The following DMRT1 variants were observed in gnomAD, a reference collection of about 807,000 sequenced individuals.
DMRT1 encodes the protein doublesex- and mab-3-related transcription factor 1.
A neutral mutation model predicts 32.3 loss-of-function variants in DMRT1; 7 were observed. The ratio of observed to expected loss-of-function variants is 0.22; its 90% confidence interval spans 0.12 to 0.41. The LOEUF (loss-of-function observed/expected upper bound fraction) is 0.41, where lower values mean the gene tolerates loss of function less well. DMRT1 is among the 10% of genes least tolerant of loss of function. The pLI is 1.00. For missense variants in DMRT1, 625 were observed against 500.5 expected (o/e 1.25, Z -2.37); for synonymous variants, 278 against 206.1 (o/e 1.35, Z -2.99).
At chr9:859,369 A>C (rs1461212800) in intron 2 of DMRT1, among the ~76,000 whole-genome samples, 3 of 151,944 alleles carry the variant, frequency 2.0e-5, no homozygotes, top group Non-Finnish European at 4.4e-5. Flanking sequence ...GATGATCTGG[A>C]CTCTGAGCCT....
intron 2 of DMRT1, among the ~76,000 whole-genome samples, chr9:888,487 T>C (rs1183647464): frequency 1.3e-5 from 2 of 152,028 alleles, no homozygotes; most frequent in Non-Finnish European, 2.9e-5. Context: ...TTATATGTTT[T>C]GTAGAGGGGT....
chr9:881,346 T>A (rs1816729625), intron 2 of DMRT1, among the ~76,000 whole-genome samples: 1 of 152,138 alleles, frequency 6.6e-6, no homozygotes, highest in Non-Finnish European at 1.5e-5. Flanking sequence ...TATGGTGAGG[T>A]ATAATTCGGT....
At chr9:941,167 A>C (rs759632612) in intron 4 of DMRT1, among the ~76,000 whole-genome samples, 1 of 152,190 alleles carries the variant, frequency 6.6e-6, no homozygotes, top group East Asian at 1.9e-4. Flanking sequence ...CAGCAATTAC[A>C]CTTCTTGATA....
In DMRT1 at chr9:851,043, A is replaced by G. The variant is rs1267168463; in HGVS notation, c.538+3900A>G. Among the ~76,000 whole-genome samples, 4 of 52,234 alleles carry G rather than the reference A, an allele frequency of 7.7e-5. No individual in the cohort carries two copies. The East Asian group carries it at 1.0e-3, about 13-fold the overall frequency. 34.3% of individuals were successfully genotyped at this position (52,234 alleles called of 152,430 possible). A position where few individuals can be genotyped will look rare whatever the true frequency, so the allele number is the denominator to read the frequency against. On this transcript the variant is annotated intron_variant, in intron 2 of 4. Coordinates refer to ENST00000382276, the MANE Select transcript of DMRT1 (RefSeq NM_021951.3). ...GACTCTATCTCAAAAAAAAAAAAAA[A>G]AAGAAAGAAAAATAGACGTGGAAGG...
chr9:943,936 T>G (rs1199876628), intron 4 of DMRT1, among the ~76,000 whole-genome samples: 1 of 152,192 alleles, frequency 6.6e-6, no homozygotes, highest in Non-Finnish European at 1.5e-5. Flanking sequence ...GCCAAATTCT[T>G]TTCCCTTGTG....
chr9:855,189 T>C (rs1479469887), intron 2 of DMRT1, among the ~76,000 whole-genome samples: 1 of 152,140 alleles, frequency 6.6e-6, no homozygotes, highest in Non-Finnish European at 1.5e-5. Context: ...TTTCTGTGGA[T>C]AGTATTTTAA....
chr9:868,579 C>G (rs1289636433), intron 2 of DMRT1, among the ~76,000 whole-genome samples: 2 of 152,246 alleles, frequency 1.3e-5, no homozygotes, highest in African/African-American at 4.8e-5. Context: ...CTAAGCACAG[C>G]TAGCTCCTCT....
chr9:907,827 ATATGTGTG>A (rs769510379), intron 3 of DMRT1, among the ~76,000 whole-genome samples: 2 of 58,132 alleles, frequency 3.4e-5, no homozygotes, highest in Non-Finnish European at 3.7e-5. Context: ...TCTAAAATAT[ATATGTGTG>A]TGTGTGTGTG....
chr9:906,712 T>G (rs1186633687), intron 3 of DMRT1, among the ~76,000 whole-genome samples: 2 of 152,128 alleles, frequency 1.3e-5, no homozygotes, highest in Non-Finnish European at 2.9e-5. Context: ...AAAAAAAAAG[T>G]TTATTTGCTC....
intron 1 of DMRT1, among the ~76,000 whole-genome samples, chr9:843,439 C>G (rs73639433): frequency 6.6e-6 from 1 of 152,300 alleles, no homozygotes; most frequent in African/African-American, 2.4e-5. Flanking sequence ...GATTAAAGTG[C>G]AAATTACTTT....
intron 3 of DMRT1, among the ~76,000 whole-genome samples, chr9:904,386 T>C (rs1817693515): frequency 6.6e-6 from 1 of 152,234 alleles, no homozygotes; most frequent in African/African-American, 2.4e-5. Context: ...CTGTGGTCTC[T>C]TAAGTGTTCC....
chr9:937,641 A>C (rs952776161), intron 4 of DMRT1, among the ~76,000 whole-genome samples: 2 of 152,070 alleles, frequency 1.3e-5, no homozygotes, highest in African/African-American at 2.4e-5. Context: ...CCATTTATGT[A>C]TCGTCTTTGG....
chr9:899,070 T>C lies in DMRT1; in HGVS notation c.822+4875T>C, dbSNP rs538496958. ...TTTCAGATGGTTCACTAGTCATGTA[T>C]AGAAATGCTAACTAATTTTTGTATG... On this transcript the variant is annotated intron_variant, in intron 3 of 4. Coordinates refer to ENST00000382276, the MANE Select transcript of DMRT1 (RefSeq NM_021951.3). Among the ~76,000 whole-genome samples the C allele has an allele frequency of 3.9e-5, 6 of 152,310 alleles. No individual in the cohort carries two copies. The East Asian group carries it at 9.6e-4, about 24-fold the overall frequency.
At chr9:884,280 A>G (rs1006712747) in intron 2 of DMRT1, among the ~76,000 whole-genome samples, 1 of 152,030 alleles carries the variant, frequency 6.6e-6, no homozygotes, top group Non-Finnish European at 1.5e-5. Flanking sequence ...CCAGCATATA[A>G]CACTCCACGA....
intron 4 of DMRT1, among the ~76,000 whole-genome samples, chr9:920,408 T>C (rs1196988074): frequency 6.6e-6 from 1 of 152,090 alleles, no homozygotes; most frequent in African/African-American, 2.4e-5. Context: ...AGGATTTTAA[T>C]GAGAGCCAAA....
At chr9:925,700 C>T (rs944349740) in intron 4 of DMRT1, among the ~76,000 whole-genome samples, 3 of 152,190 alleles carry the variant, frequency 2.0e-5, no homozygotes, top group African/African-American at 7.2e-5. Context: ...GCAGCTCCTC[C>T]AGTGTCTGTA....
chr9:842,208 C>T lies in DMRT1; in HGVS notation c.354+16C>T, dbSNP rs1026947032. 3 of 1,323,828 alleles carry T rather than the reference C, an allele frequency of 2.3e-6. No individual in the cohort carries two copies. Among genetic ancestry groups the T allele is most frequent in the Middle Eastern group, 2.5e-4 (1 of 4,034 alleles). 82.0% of individuals were successfully genotyped at this position (1,323,828 alleles called of 1,614,324 possible). ...GGCCGCGCAGGTGGGTGCGGGCGTG[C>T]GGGAGCCCGGGTTCAGCCTTAGTTT... On this transcript the variant is annotated intron_variant, in intron 1 of 4. Coordinates refer to ENST00000382276, the MANE Select transcript of DMRT1 (RefSeq NM_021951.3).
At chr9:861,675 A>AGC in intron 2 of DMRT1, among the ~76,000 whole-genome samples, 1 of 90,746 alleles carries the variant, frequency 1.1e-5, no homozygotes, top group East Asian at 4.7e-4. Flanking sequence ...CCAGACGGGG[A>AGC]AGCCGGGCAG....
intron 4 of DMRT1, among the ~76,000 whole-genome samples, chr9:941,751 C>A (rs892938205): frequency 1.3e-5 from 2 of 152,058 alleles, no homozygotes; most frequent in Non-Finnish European, 2.9e-5. Flanking sequence ...AAAGTATGGA[C>A]ATTTTATTTA....
Sources: allele counts gnomAD v4.1 joint callset (sites outside exome capture counted in the v4.1 genomes callset), GRCh38; gene constraint gnomAD v4.1.1; transcripts MANE v1.5; gene names NCBI Gene and HGNC (gene_info 2026-07-23, HGNC 2026-07-21).